The following EYS variants were observed in gnomAD, a reference collection of about 807,000 sequenced individuals.
The protein encoded by EYS is protein eyes shut homolog.
EYS carries 250 observed loss-of-function variants against 282.1 expected under a neutral mutation model. That is an observed-to-expected ratio of 0.89 (90% confidence interval 0.80 to 0.98). The LOEUF (loss-of-function observed/expected upper bound fraction) is 0.98. EYS is among the 50% of genes least tolerant of loss of function. The pLI is 0.00. For missense variants in EYS, 4,016 were observed against 3,709.0 expected, an observed-to-expected ratio of 1.08 and a Z score of -2.15; for synonymous variants, 1,355 against 1,282.9, an observed-to-expected ratio of 1.06 and a Z score of -1.20.
chr6:65,219,118 G>C (rs367734465), intron 12 of EYS, among the ~76,000 whole-genome samples: 3 of 151,906 alleles, frequency 2.0e-5, no homozygotes, highest in African/African-American at 7.3e-5. Flanking sequence ...ATATTTTAGG[G>C]GGCTCATAAT....
rs567319820 is a variant in EYS at position 65,342,965 on chromosome 6, C to T, written c.1599+1073G>A. On this transcript the variant is annotated intron_variant, in intron 10 of 42. Transcript: ENST00000503581. The stretch of plus-strand genomic sequence containing the variant: ...ATAATATGTAACTATTTTTAATATA[C>T]TGATAAAGCTAAAAGTCTTAAAGAT... 1.4e-4 allele frequency among the ~76,000 whole-genome samples: 21 copies of T among 151,004 alleles called. No homozygotes were observed. The South Asian group carries it at 4.2e-3, about 30-fold the overall frequency.
intron 2 of EYS, among the ~76,000 whole-genome samples, chr6:65,557,600 C>T (rs1263560530): frequency 6.6e-6 from 1 of 152,140 alleles, no homozygotes; most frequent in Non-Finnish European, 1.5e-5. Flanking sequence ...GGTCTGGGCT[C>T]CCAGAACTGC....
At chr6:63,810,952 T>A (rs1239505796) in intron 36 of EYS, among the ~76,000 whole-genome samples, 2 of 152,212 alleles carry the variant, frequency 1.3e-5, no homozygotes, top group Non-Finnish European at 2.9e-5. Flanking sequence ...TCTTTAATTT[T>A]TATCCATATG....
chr6:65,213,690 C>G (rs1457195869), intron 12 of EYS, among the ~76,000 whole-genome samples: 1 of 152,172 alleles, frequency 6.6e-6, no homozygotes, highest in Non-Finnish European at 1.5e-5. Context: ...GTTCCACCAA[C>G]CACCCATTCA....
At chr6:63,788,923 C>T (rs1480611233) in intron 38 of EYS, 135 bp downstream of exon 38, 1 of 779,046 alleles carries the variant, frequency 1.3e-6, no homozygotes, top group Non-Finnish European at 2.0e-6. Context: ...TCTCTCTATT[C>T]CCCTAGTTGG....
chr6:65,267,801 C>G (rs1767798000), intron 12 of EYS, among the ~76,000 whole-genome samples: 1 of 151,914 alleles, frequency 6.6e-6, no homozygotes, highest in Non-Finnish European at 1.5e-5. Flanking sequence ...AAATGGAAAT[C>G]TGTTTCCTGC....
At position 64,229,803 on chromosome 6, in the gene EYS, C is replaced by T. The variant is rs889770530; in HGVS notation, c.6424+789G>A. ...AACATTAGGATGTCCCACATTTTAG[C>T]GCTTAAATGGGAATTTATTAAATAC... On this transcript the variant is annotated intron_variant, in intron 31 of 42. Coordinates refer to ENST00000503581, the MANE Select transcript of EYS (RefSeq NM_001142800.2). 5.3e-5 allele frequency among the ~76,000 whole-genome samples: 8 copies of T among 152,052 alleles called. No homozygotes were observed. In the South Asian group the frequency reaches 6.2e-4, roughly 12 times the overall value.
intron 14 of EYS, among the ~76,000 whole-genome samples, chr6:64,964,190 T>G (rs1351719754): frequency 1.3e-5 from 2 of 152,044 alleles, no homozygotes; most frequent in Non-Finnish European, 2.9e-5. Context: ...CAAATTTTAG[T>G]GAGATTTTAA....
intron 12 of EYS, among the ~76,000 whole-genome samples, chr6:65,149,784 C>T (rs1764567172): frequency 6.6e-6 from 1 of 152,110 alleles, no homozygotes; most frequent in Non-Finnish European, 1.5e-5. Context: ...TGCCCCATTA[C>T]CTCAGTACCT....
At chr6:64,140,465 C>A (rs1180416749) in intron 31 of EYS, among the ~76,000 whole-genome samples, 1 of 152,146 alleles carries the variant, frequency 6.6e-6, no homozygotes, top group Non-Finnish European at 1.5e-5. Context: ...TCTATTTCCA[C>A]CTGCCTCTCA....
intron 35 of EYS, among the ~76,000 whole-genome samples, chr6:63,915,586 C>A (rs1764401779): frequency 6.6e-6 from 1 of 152,162 alleles, no homozygotes; most frequent in South Asian, 2.1e-4. Context: ...AATAGTGATT[C>A]CTCTGATGGA....
chr6:65,050,142 A>T (rs1773226164), intron 13 of EYS, among the ~76,000 whole-genome samples: 1 of 151,184 alleles, frequency 6.6e-6, no homozygotes, highest in South Asian at 2.1e-4. Flanking sequence ...AATAAGAGAA[A>T]GGAATAAAAG....
intron 5 of EYS, among the ~76,000 whole-genome samples, chr6:65,426,477 T>G (rs1175149225): frequency 6.6e-6 from 1 of 152,142 alleles, no homozygotes; most frequent in Non-Finnish European, 1.5e-5. Flanking sequence ...TTGTCCCACT[T>G]TGGATAAGAG....
At chr6:65,134,760 G>C (rs1464181947) in intron 12 of EYS, among the ~76,000 whole-genome samples, 1 of 151,694 alleles carries the variant, frequency 6.6e-6, no homozygotes, top group Non-Finnish European at 1.5e-5. Context: ...AAAAAGAGAG[G>C]GAAAGATCAA....
In EYS at chr6:65,343,942, T is replaced by G. The variant is rs1502963; in HGVS notation, c.1599+96A>C. Reference sequence around the variant, plus strand: ...ATGCAAACTATATATTTTGAATATTTAAGAATCTGTAACCTAAACATTTCT... The same window carrying G: ...ATGCAAACTATATATTTTGAATATTGAAGAATCTGTAACCTAAACATTTCT... On this transcript the variant is annotated intron_variant, in intron 10 of 42. Coordinates refer to ENST00000503581, the MANE Select transcript of EYS (RefSeq NM_001142800.2). 1,047,030 of 1,048,414 alleles carry G rather than the reference T, an allele frequency of 1. 522,841 individuals are homozygous for G. The highest frequency in any genetic ancestry group is 1 in the East Asian group (41,820 of 41,820). The allele number at this position is 1,048,414 out of a possible 1,614,324, so 64.9% of individuals were successfully genotyped here. A position where few individuals can be genotyped will look rare whatever the true frequency, so the allele number is the denominator to read the frequency against.
intron 35 of EYS, among the ~76,000 whole-genome samples, chr6:63,931,095 A>G (rs1764878110): frequency 6.6e-6 from 1 of 152,182 alleles, no homozygotes; most frequent in Non-Finnish European, 1.5e-5. Context: ...GGGTTGTATG[A>G]TCACCTGAGA....
intron 12 of EYS, among the ~76,000 whole-genome samples, chr6:65,143,522 A>G (rs1764402040): frequency 6.6e-6 from 1 of 152,098 alleles, no homozygotes; most frequent in Non-Finnish European, 1.5e-5. Flanking sequence ...TGGGAAATTA[A>G]AACACACTGT....
chr6:64,242,964 T>C (rs1766884081), intron 30 of EYS, among the ~76,000 whole-genome samples: 1 of 146,600 alleles, frequency 6.8e-6, no homozygotes, highest in East Asian at 1.9e-4. Flanking sequence ...ATATACAATA[T>C]ATAAATTAAA....
chr6:65,154,811 A>C (rs1581962653), intron 12 of EYS, among the ~76,000 whole-genome samples: 1 of 151,648 alleles, frequency 6.6e-6, no homozygotes, highest in East Asian at 1.9e-4. Context: ...AATTATACTG[A>C]TAGGAAGGGT....
Sources: gnomAD v4.1 joint callset for allele counts (sites outside exome capture counted in the v4.1 genomes callset) on GRCh38, gnomAD v4.1.1 for gene constraint, MANE v1.5 for transcripts, NCBI Gene and HGNC (gene_info 2026-07-23, HGNC 2026-07-21) for gene names.